The following DNAJC5 variants were observed in gnomAD, a reference collection of about 807,000 sequenced individuals.
DNAJC5 encodes dnaJ homolog subfamily C member 5.
A neutral mutation model predicts 23.2 loss-of-function variants in DNAJC5; 1 was observed. The ratio of observed to expected loss-of-function variants is 0.04; its 90% CI spans 0.02 to 0.20. The LOEUF (loss-of-function observed/expected upper bound fraction) is 0.20, where lower values mean the gene tolerates loss of function less well. DNAJC5 is among the 10% of genes least tolerant of loss of function. The pLI, the probability that DNAJC5 is intolerant of heterozygous loss-of-function variation, is 1.00. For missense variants in DNAJC5, 180 were observed against 267.0 expected (o/e 0.67, Z 2.27); for synonymous variants, 136 against 120.0 (o/e 1.13, Z -0.87).
intron 1 of DNAJC5, among the ~76,000 whole-genome samples, chr20:63,905,241 G>A (rs1425248427): frequency 1.3e-5 from 2 of 151,278 alleles, no homozygotes; most frequent in Non-Finnish European, 2.9e-5. Flanking sequence ...TCAGCCTCCT[G>A]AGTAGCTGGA....
At position 63,929,534 on chromosome 20, in the gene DNAJC5, G is replaced by C; in HGVS notation, c.321+9G>C. The C allele has an allele frequency of 6.2e-7, 1 of 1,613,312 alleles. No homozygotes were observed. Among genetic ancestry groups the C allele is most frequent in the Admixed American group, 1.7e-5 (1 of 60,014 alleles). ...CCAGCTGGTGGGCCAAGGTGAGGGC[G>C]AGCTGCCTGCCGTGCGGGCACCCGA... On this transcript the variant is annotated intron_variant, in intron 3 of 4. Coordinates refer to ENST00000360864, the MANE Select transcript of DNAJC5 (RefSeq NM_025219.3). This position sits in a 1 kb window ranked among gnomAD's most constrained non-coding sequence, Gnocchi z 8.6.
At chr20:63,923,875 G>A (rs140847240) in intron 1 of DNAJC5, among the ~76,000 whole-genome samples, 41 of 152,306 alleles carry the variant, frequency 2.7e-4, no homozygotes, top group African/African-American at 9.4e-4. Context: ...GAGCCAGAAC[G>A]ACCTGGCCGT....
intron 1 of DNAJC5, among the ~76,000 whole-genome samples, chr20:63,896,525 A>G (rs1202706027): frequency 6.6e-6 from 1 of 152,140 alleles, no homozygotes; most frequent in Non-Finnish European, 1.5e-5. Context: ...ACCCACCCTC[A>G]GACTGGCCCC....
chr20:63,918,606 G>A (rs2053533646), intron 1 of DNAJC5, among the ~76,000 whole-genome samples: 1 of 152,084 alleles, frequency 6.6e-6, no homozygotes, highest in Admixed American at 6.6e-5. Flanking sequence ...ATTTTTTGTT[G>A]TTTTTTTGAG....
At position 63,929,796 on chromosome 20, in the gene DNAJC5, A is replaced by G. The variant is rs1288530730; in HGVS notation, c.321+271A>G. Among the ~76,000 whole-genome samples, 1 of 152,142 alleles carries G rather than the reference A, an allele frequency of 6.6e-6. No homozygotes were observed. Among genetic ancestry groups the G allele is most frequent in the Admixed American group, 6.5e-5 (1 of 15,284 alleles). On this transcript the variant is annotated intron_variant, in intron 3 of 4. Coordinates refer to ENST00000360864, the MANE Select transcript of DNAJC5 (RefSeq NM_025219.3). The surrounding 1 kb of genome is among the most constrained non-coding windows in gnomAD (Gnocchi z 8.6). The stretch of plus-strand genomic sequence containing the variant: ...ACTCCACGCCTGCAGGGTTCCCAGC[A>G]TTGCAGAGCCCATGCGTTGATGCCA...
At chr20:63,897,342 C>T (rs1034029532) in intron 1 of DNAJC5, among the ~76,000 whole-genome samples, 4 of 150,740 alleles carry the variant, frequency 2.7e-5, no homozygotes, top group South Asian at 4.2e-4. Context: ...TGCAGTGAGC[C>T]GAGATCGCGC....
intron 3 of DNAJC5, among the ~76,000 whole-genome samples, chr20:63,930,379 G>A (rs1298954862): frequency 6.6e-6 from 1 of 151,964 alleles, no homozygotes; most frequent in East Asian, 1.9e-4. Context: ...ACGGAGTCTC[G>A]CTCTGTTTCC....
At chr20:63,896,556 A>C (rs949107662) in intron 1 of DNAJC5, among the ~76,000 whole-genome samples, 1 of 152,124 alleles carries the variant, frequency 6.6e-6, no homozygotes, top group Non-Finnish European at 1.5e-5. Flanking sequence ...TGCACCTGCC[A>C]TATCAGCCTC....
intron 1 of DNAJC5, among the ~76,000 whole-genome samples, chr20:63,911,028 CTT>C (rs1474918274): frequency 1.3e-5 from 2 of 152,116 alleles, no homozygotes; most frequent in Non-Finnish European, 2.9e-5. Flanking sequence ...TTCTGATCTG[CTT>C]TTCTTTTTGA....
In DNAJC5 at chr20:63,931,741, A is replaced by G. The variant is rs1206553268; in HGVS notation, c.*173A>G. ...TCGACCCTTGACCCACGAAGTGCGTAGCATGCAGTATTTAAAGCAGTGTAG... is the reference window on the plus strand; with the variant it reads ...TCGACCCTTGACCCACGAAGTGCGTGGCATGCAGTATTTAAAGCAGTGTAG... On this transcript the variant is annotated 3_prime_UTR_variant, in exon 5 of 5. Coordinates refer to ENST00000360864, the MANE Select transcript of DNAJC5 (RefSeq NM_025219.3). This position sits in a 1 kb window ranked among gnomAD's most constrained non-coding sequence, Gnocchi z 9.6. The G allele has an allele frequency of 5.9e-6, 4 of 683,274 alleles. No individual in the cohort carries two copies. Among genetic ancestry groups the G allele is most frequent in the Non-Finnish European group, 7.9e-6 (3 of 378,852 alleles). The allele number at this position is 683,274 out of a possible 1,614,324, so 42.3% of individuals were successfully genotyped here. A position where few individuals can be genotyped will look rare whatever the true frequency, so the allele number is the denominator to read the frequency against.
intron 3 of DNAJC5, among the ~76,000 whole-genome samples, chr20:63,930,447 A>G (rs992290207): frequency 6.6e-6 from 1 of 152,096 alleles, no homozygotes; most frequent in African/African-American, 2.4e-5. Context: ...TCCCGGGTTC[A>G]CGCCATTCTC....
chr20:63,914,520 C>G (rs55832356), intron 1 of DNAJC5, among the ~76,000 whole-genome samples: 1 of 151,774 alleles, frequency 6.6e-6, no homozygotes, highest in South Asian at 2.1e-4. Flanking sequence ...GGTTTCACGA[C>G]GTTACCCAGG....
chr20:63,895,375 A>T (rs925233366), intron 1 of DNAJC5, 52 bp downstream of exon 1: 4 of 130,206 alleles, frequency 3.1e-5, no homozygotes, highest in African/African-American at 1.1e-4. Context: ...AGGCCCGGGC[A>T]GGCGGGCGGG....
intron 1 of DNAJC5, among the ~76,000 whole-genome samples, chr20:63,904,369 G>C (rs2053433813): frequency 6.6e-6 from 1 of 152,074 alleles, no homozygotes; most frequent in African/African-American, 2.4e-5. Context: ...CGCCAGGTTG[G>C]GTAACCCTAA....
Position 63,931,289 on chromosome 20 carries a change from C to T in DNAJC5, c.494-176C>T. ...CAGGCAGTTGGGGCGGGGCTGAGGGCCGAGGGCTGGCGGTGACCCAAGGCG... is the reference window on the plus strand; with the variant it reads ...CAGGCAGTTGGGGCGGGGCTGAGGGTCGAGGGCTGGCGGTGACCCAAGGCG... On this transcript the variant is annotated intron_variant, in intron 4 of 4. Coordinates refer to ENST00000360864, the MANE Select transcript of DNAJC5 (RefSeq NM_025219.3). The surrounding 1 kb of genome is among the most constrained non-coding windows in gnomAD (Gnocchi z 9.6). 2.5e-6 allele frequency: 2 copies of T among 800,978 alleles called. No homozygotes were observed. The highest frequency in any genetic ancestry group is 4.1e-6 in the Non-Finnish European group (2 of 482,468). 49.6% of individuals were successfully genotyped at this position (800,978 alleles called of 1,614,324 possible).
At chr20:63,912,681 C>T (rs908104501) in intron 1 of DNAJC5, among the ~76,000 whole-genome samples, 1 of 152,216 alleles carries the variant, frequency 6.6e-6, no homozygotes, top group Admixed American at 6.5e-5. Context: ...GATCTCAGCT[C>T]ACTGCAACCT....
At chr20:63,911,202 G>A (rs2053480887) in intron 1 of DNAJC5, among the ~76,000 whole-genome samples, 1 of 152,204 alleles carries the variant, frequency 6.6e-6, no homozygotes, top group African/African-American at 2.4e-5. Flanking sequence ...TTCAGCATGT[G>A]GGGTTTGGTT....
intron 1 of DNAJC5, among the ~76,000 whole-genome samples, chr20:63,901,181 T>C (rs2053408898): frequency 6.6e-6 from 1 of 152,224 alleles, no homozygotes; most frequent in Admixed American, 6.5e-5. Flanking sequence ...TCCAGGCTGG[T>C]CTCAAACTCC....
chr20:63,930,761 C>T (rs757175749), intron 3 of DNAJC5, 90 bp from the exon 4 acceptor site: 1 of 1,594,646 alleles, frequency 6.3e-7, no homozygotes, highest in African/African-American at 1.3e-5. Context: ...GAACGCACCC[C>T]CTGCCTTCTG....
Sources: allele counts gnomAD v4.1 joint callset (sites outside exome capture counted in the v4.1 genomes callset), GRCh38; gene constraint gnomAD v4.1.1; non-coding constraint Gnocchi (gnomAD v3.1); transcripts MANE v1.5; gene names NCBI Gene and HGNC (gene_info 2026-07-23, HGNC 2026-07-21).